UMAD1: variants seen among roughly 807,000 people sequenced by gnomAD.
UMAD1 encodes UBAP1-MVB12-associated (UMA)-domain containing protein 1.
In UMAD1, 8 loss-of-function variants were observed where a neutral mutation model predicts 6.1. That is an observed-to-expected ratio of 1.30 (90% CI 0.76 to 2.35). The LOEUF (loss-of-function observed/expected upper bound fraction) is 2.35. Ranked by LOEUF, UMAD1 falls within the 30% of genes most tolerant of loss-of-function variation. UMAD1 has a pLI of 0.00. For synonymous variants in UMAD1, 56 were observed against 31.4 expected (o/e 1.78, Z -2.61); for missense variants, 130 against 78.4 (o/e 1.66, Z -2.49).
intron 1 of UMAD1, among the ~76,000 whole-genome samples, chr7:7,670,336 C>G (rs1779574899): frequency 6.6e-6 from 1 of 152,128 alleles, no homozygotes; most frequent in Non-Finnish European, 1.5e-5. Context: ...AGAGGAGCCA[C>G]TTCGTAAAGG....
At chr7:7,646,975 C>T (rs1335079510) in intron 1 of UMAD1, among the ~76,000 whole-genome samples, 5 of 152,154 alleles carry the variant, frequency 3.3e-5, no homozygotes, top group African/African-American at 4.8e-5. Flanking sequence ...GTGGAGCCCT[C>T]GCCAGGGACC....
intron 2 of UMAD1, among the ~76,000 whole-genome samples, chr7:7,796,318 C>T (rs929786590): frequency 8.3e-6 from 1 of 121,204 alleles, no homozygotes; most frequent in Admixed American, 1.1e-4. Context: ...ATGGCATAAT[C>T]TCGGCTCACC....
chr7:7,643,029 C>T (rs1394914452), intron 1 of UMAD1, among the ~76,000 whole-genome samples: 2 of 151,700 alleles, frequency 1.3e-5, no homozygotes, highest in East Asian at 1.9e-4. Flanking sequence ...TTTTCTGTTA[C>T]AGGTAGGCAT....
At chr7:7,692,756 T>C (rs1296750520) in intron 2 of UMAD1, among the ~76,000 whole-genome samples, 1 of 152,074 alleles carries the variant, frequency 6.6e-6, no homozygotes, top group East Asian at 1.9e-4. Context: ...ACTACAGGCC[T>C]GCGCCACCAT....
intron 2 of UMAD1, among the ~76,000 whole-genome samples, chr7:7,760,205 A>G (rs1028094101): frequency 1.3e-5 from 2 of 152,060 alleles, no homozygotes; most frequent in African/African-American, 4.8e-5. Flanking sequence ...CTTTCTAGCC[A>G]TTCTACCAAA....
intron 2 of UMAD1, among the ~76,000 whole-genome samples, chr7:7,752,608 A>G (rs1420392981): frequency 2.0e-5 from 3 of 152,120 alleles, no homozygotes; most frequent in African/African-American, 7.2e-5. Flanking sequence ...CTTAACACAT[A>G]TTTCTAAAAA....
chr7:7,788,776 A>G (rs1301963018), intron 2 of UMAD1, among the ~76,000 whole-genome samples: 1 of 152,170 alleles, frequency 6.6e-6, no homozygotes, highest in Non-Finnish European at 1.5e-5. Context: ...AAACACTTGA[A>G]TTTCATTTTC....
chr7:7,673,793 C>A (rs991270339), intron 2 of UMAD1, among the ~76,000 whole-genome samples: 1 of 151,566 alleles, frequency 6.6e-6, no homozygotes, highest in Non-Finnish European at 1.5e-5. Flanking sequence ...TAGTACTAAC[C>A]TTGTTTCATA....
At chr7:7,701,590 G>A (rs545731439) in intron 2 of UMAD1, among the ~76,000 whole-genome samples, 1 of 152,126 alleles carries the variant, frequency 6.6e-6, no homozygotes, top group Non-Finnish European at 1.5e-5. Context: ...CTCTGTGTCT[G>A]TGCTTTTCTG....
At chr7:7,705,615 G>C (rs1376406760) in intron 2 of UMAD1, among the ~76,000 whole-genome samples, 1 of 152,128 alleles carries the variant, frequency 6.6e-6, no homozygotes, top group African/African-American at 2.4e-5. Context: ...TAATGAATTA[G>C]AGTTCAAGAT....
intron 3 of UMAD1, among the ~76,000 whole-genome samples, chr7:7,828,547 A>G (rs7802936): frequency 0.99 from 150,136 of 152,336 alleles, 73,990 homozygotes; most frequent in Middle Eastern, 1. Context: ...ATATCAACCC[A>G]TAGGGACCCC....
chr7:7,818,003 TC>T (rs1231313193), intron 3 of UMAD1, among the ~76,000 whole-genome samples: 1 of 152,154 alleles, frequency 6.6e-6, no homozygotes, highest in African/African-American at 2.4e-5. Flanking sequence ...ACTTTCAGGT[TC>T]AGAGGTACAT....
At chr7:7,800,966 C>G (rs10486189) in intron 2 of UMAD1, among the ~76,000 whole-genome samples, 16,562 of 152,214 alleles carry the variant, frequency 0.11, 1,055 homozygotes, top group Middle Eastern at 0.16. Context: ...TAGTCTCTAT[C>G]ATGTGTTAAT....
chr7:7,669,340 A>G (rs935859030), intron 1 of UMAD1, among the ~76,000 whole-genome samples: 4 of 152,118 alleles, frequency 2.6e-5, no homozygotes, highest in African/African-American at 9.7e-5. Flanking sequence ...CTTTCCAGTT[A>G]CTAGTCTTAG....
chr7:7,728,232 A>G (rs1268107792), intron 2 of UMAD1, among the ~76,000 whole-genome samples: 1 of 151,534 alleles, frequency 6.6e-6, no homozygotes, highest in African/African-American at 2.4e-5. Context: ...TGACATAAAG[A>G]TCTAGGGTAC....
intron 3 of UMAD1, among the ~76,000 whole-genome samples, chr7:7,853,966 G>C (rs1468753074): frequency 6.6e-6 from 1 of 152,130 alleles, no homozygotes; most frequent in Non-Finnish European, 1.5e-5. Flanking sequence ...CACTTTATCA[G>C]GTTGCTGAAG....
intron 2 of UMAD1, among the ~76,000 whole-genome samples, chr7:7,698,621 C>T (rs1409168362): frequency 6.6e-6 from 1 of 152,056 alleles, no homozygotes; most frequent in African/African-American, 2.4e-5. Context: ...ACAGTTTTGA[C>T]TATCAAGTAA....
intron 2 of UMAD1, among the ~76,000 whole-genome samples, chr7:7,793,628 G>A (rs1782613046): frequency 1.3e-5 from 2 of 152,154 alleles, no homozygotes; most frequent in Non-Finnish European, 1.5e-5. Flanking sequence ...TCAGAATCGT[G>A]TAGCAGAATG....
chr7:7,713,535 C>A (rs1275502708), intron 2 of UMAD1, among the ~76,000 whole-genome samples: 1 of 151,670 alleles, frequency 6.6e-6, no homozygotes, highest in Non-Finnish European at 1.5e-5. Flanking sequence ...TTCAAAAGAC[C>A]AGTTTTAGGA....
Sources: gnomAD v4.1 joint callset for allele counts (sites outside exome capture counted in the v4.1 genomes callset) on GRCh38, gnomAD v4.1.1 for gene constraint, MANE v1.5 for transcripts, NCBI Gene and HGNC (gene_info 2026-07-23, HGNC 2026-07-21) for gene names.